FUT8: variants seen among roughly 807,000 people sequenced by gnomAD.
FUT8 encodes alpha-(1,6)-fucosyltransferase.
FUT8 carries 29 observed loss-of-function variants against 71.3 expected under a neutral mutation model. The observed-to-expected ratio is 0.41, with a 90% CI of 0.30 to 0.55. The LOEUF (loss-of-function observed/expected upper bound fraction) is 0.55, where lower values mean the gene tolerates loss of function less well. Among genes scored for constraint, FUT8 ranks in the 20% least tolerant of loss-of-function variants. The pLI is 0.34. For missense variants in FUT8, 544 were observed against 702.1 expected (o/e 0.77, Z 2.55); for synonymous variants, 254 against 239.3 (o/e 1.06, Z -0.57).
chr14:65,399,364 A>G, the FUT8 span, among the ~76,000 whole-genome samples: 1 of 152,346 alleles, frequency 6.6e-6, no homozygotes, highest in East Asian at 1.9e-4. Flanking sequence ...TCAGACAATC[A>G]AAACAGACCA....
At chr14:65,637,120 A>T (rs941564247) in intron 6 of FUT8, among the ~76,000 whole-genome samples, 1 of 152,238 alleles carries the variant, frequency 6.6e-6, no homozygotes, top group Non-Finnish European at 1.5e-5. Context: ...TAATCATAAC[A>T]TTGAGAAAAT....
chr14:65,390,725 C>CTTTTTTT, the FUT8 span, among the ~76,000 whole-genome samples: 1 of 134,672 alleles, frequency 7.4e-6, no homozygotes. Flanking sequence ...ATTTCCTATT[C>CTTTTTTT]TTTTTTTTTT....
At chr14:65,422,593 G>A (rs1485823240) in intron 1 of FUT8, among the ~76,000 whole-genome samples, 1 of 151,950 alleles carries the variant, frequency 6.6e-6, no homozygotes, top group African/African-American at 2.4e-5. Context: ...CAAACTCCTG[G>A]ACTTAGGCAG....
At chr14:65,679,446 A>C (rs1185130327) in intron 7 of FUT8, among the ~76,000 whole-genome samples, 1 of 152,194 alleles carries the variant, frequency 6.6e-6, no homozygotes, top group Non-Finnish European at 1.5e-5. Flanking sequence ...TCTATTTCAG[A>C]GGGAAGATTA....
At chr14:65,497,474 C>G (rs528635145) in intron 2 of FUT8, among the ~76,000 whole-genome samples, 2 of 152,100 alleles carry the variant, frequency 1.3e-5, no homozygotes, top group Non-Finnish European at 2.9e-5. Context: ...TTCTTATTCT[C>G]TATGAAGTTT....
intron 2 of FUT8, among the ~76,000 whole-genome samples, chr14:65,497,203 T>C (rs1167599750): frequency 1.3e-5 from 2 of 152,186 alleles, no homozygotes; most frequent in East Asian, 3.8e-4. Context: ...ATATGTTGAT[T>C]CCTTAATCAG....
At chr14:65,587,329 T>G (rs1887446046) in intron 3 of FUT8, among the ~76,000 whole-genome samples, 1 of 152,226 alleles carries the variant, frequency 6.6e-6, no homozygotes, top group South Asian at 2.1e-4. Context: ...AAAGTGAAGT[T>G]CAGAAATGAT....
At chr14:65,584,971 A>G (rs1182008166) in intron 3 of FUT8, among the ~76,000 whole-genome samples, 1 of 152,166 alleles carries the variant, frequency 6.6e-6, no homozygotes, top group African/African-American at 2.4e-5. Flanking sequence ...TTTTGGAAAT[A>G]TATATAACCT....
chr14:65,697,273 T>G (rs1381510195), intron 7 of FUT8, among the ~76,000 whole-genome samples: 1 of 152,212 alleles, frequency 6.6e-6, no homozygotes, highest in Non-Finnish European at 1.5e-5. Context: ...TGTTTTTGTC[T>G]CCCTTGTCTT....
chr14:65,607,035 A>G lies in FUT8; in HGVS notation c.204-8943A>G, dbSNP rs1040716013. The stretch of plus-strand genomic sequence containing the variant: ...TTTAGTAATTTGTGGTTGTTGTTGT[A>G]TAGAGACTTTAATTTCTGTACATTG... On this transcript the variant is annotated intron_variant, in intron 3 of 10. Transcript: ENST00000673929. This position sits in a 1 kb window ranked among gnomAD's most constrained non-coding sequence, Gnocchi z 4.1. Among the ~76,000 whole-genome samples the G allele has an allele frequency of 6.6e-6, 1 of 151,948 alleles. No individual in the cohort carries two copies. Among genetic ancestry groups the G allele is most frequent in the Non-Finnish European group, 1.5e-5 (1 of 67,896 alleles).
At chr14:65,375,814 G>A in the FUT8 span, among the ~76,000 whole-genome samples, 5 of 143,706 alleles carry the variant, frequency 3.5e-5, no homozygotes, top group East Asian at 1.0e-3. Flanking sequence ...TCTGTGGCTG[G>A]GTGCAGTGGC....
At chr14:65,471,877 A>G (rs2066152585) in intron 2 of FUT8, among the ~76,000 whole-genome samples, 1 of 152,158 alleles carries the variant, frequency 6.6e-6, no homozygotes, top group African/African-American at 2.4e-5. Context: ...GACTTATTAC[A>G]GTATCCTTTA....
intron 2 of FUT8, among the ~76,000 whole-genome samples, chr14:65,486,151 T>C (rs1378551819): frequency 2.0e-5 from 3 of 152,244 alleles, no homozygotes; most frequent in Non-Finnish European, 2.9e-5. Context: ...TAGCACTAGC[T>C]AATGCAAGTA....
chr14:65,710,515 T>C (rs556734097), intron 7 of FUT8, among the ~76,000 whole-genome samples: 1 of 152,242 alleles, frequency 6.6e-6, no homozygotes, highest in African/African-American at 2.4e-5. Flanking sequence ...TTTTCTTCTA[T>C]AAGTGTAAAT....
At chr14:65,521,199 A>T (rs1449726482) in intron 2 of FUT8, among the ~76,000 whole-genome samples, 1 of 150,238 alleles carries the variant, frequency 6.7e-6, no homozygotes, top group Non-Finnish European at 1.5e-5. Flanking sequence ...TAAATGCTTT[A>T]TATGTTTAAA....
At chr14:65,714,181 A>G (rs1894940956) in intron 7 of FUT8, among the ~76,000 whole-genome samples, 1 of 152,116 alleles carries the variant, frequency 6.6e-6, no homozygotes, top group Admixed American at 6.5e-5. Context: ...GTCAGTGTCA[A>G]TGTATAGATT....
chr14:65,423,002 T>TTC (rs1566737492), intron 1 of FUT8, among the ~76,000 whole-genome samples: 2 of 143,648 alleles, frequency 1.4e-5, no homozygotes, highest in Non-Finnish European at 3.0e-5. Flanking sequence ...TTTTTTTTTT[T>TTC]CGAGACTGAG....
chr14:65,528,017 G>A (rs955980075), intron 2 of FUT8, among the ~76,000 whole-genome samples: 20 of 152,228 alleles, frequency 1.3e-4, no homozygotes, highest in Non-Finnish European at 1.0e-4. Context: ...TGAGGAGGCA[G>A]TGTGTCCGTT....
intron 2 of FUT8, among the ~76,000 whole-genome samples, chr14:65,522,994 C>A (rs551612230): frequency 1.1e-4 from 16 of 152,200 alleles, no homozygotes; most frequent in African/African-American, 3.9e-4. Flanking sequence ...TGGGTTGGTT[C>A]CAAGTCTTTG....
Sources: allele counts gnomAD v4.1 joint callset (sites outside exome capture counted in the v4.1 genomes callset), GRCh38; gene constraint gnomAD v4.1.1; non-coding constraint Gnocchi (gnomAD v3.1); transcripts MANE v1.5; gene names NCBI Gene and HGNC (gene_info 2026-07-23, HGNC 2026-07-21).